The following HERC2 variants were observed in gnomAD, a reference collection of about 807,000 sequenced individuals.
The protein encoded by HERC2 is HECT and RLD domain containing E3 ubiquitin protein ligase 2, also known as E3 ubiquitin-protein ligase HERC2.
In HERC2, 102 loss-of-function variants were observed where a neutral mutation model predicts 537.7. The ratio of observed to expected loss-of-function variants is 0.19; its 90% CI spans 0.16 to 0.22. HERC2 has a LOEUF of 0.22. Ranked by LOEUF, HERC2 falls within the 10% of genes least tolerant of loss-of-function variation. The pLI, the probability that HERC2 is intolerant of heterozygous loss-of-function variation, is 1.00. For synonymous variants in HERC2, 2,224 were observed against 2,466.2 expected (o/e 0.90, Z 2.91); for missense variants, 4,236 against 6,198.2 (o/e 0.68, Z 10.63).
At chr15:28,293,958 G>A (rs1300031856) in intron 3 of HERC2, among the ~76,000 whole-genome samples, 1 of 152,218 alleles carries the variant, frequency 6.6e-6, no homozygotes, top group African/African-American at 2.4e-5. Flanking sequence ...TTCCATCACA[G>A]AAGGCTGTGA....
At chr15:28,204,344 A>G (rs1898179358) in intron 45 of HERC2, among the ~76,000 whole-genome samples, 1 of 152,208 alleles carries the variant, frequency 6.6e-6, no homozygotes, top group South Asian at 2.1e-4. Context: ...AGATTTGGCC[A>G]GGCACGGTGG....
At position 28,115,446 on chromosome 15, in the gene HERC2, T is replaced by C. The variant is rs773410190; in HGVS notation, c.13705A>G (p.Ile4569Val). 21 of 1,613,680 alleles carry C rather than the reference T, an allele frequency of 1.3e-5. No individual in the cohort carries two copies. The highest frequency in any genetic ancestry group is 1.5e-5 in the Non-Finnish European group (18 of 1,179,840). ...GGAGTTACCTCACTGAGGTCCGCGATGGTGAGGCTCATCCCAGCCAGCTGC... is the reference window on the plus strand; with the variant it reads ...GGAGTTACCTCACTGAGGTCCGCGACGGTGAGGCTCATCCCAGCCAGCTGC... ...WKQLAGMSLTIADLSEVDKDF... is the reference protein window; with the variant it reads ...WKQLAGMSLTVADLSEVDKDF... The change falls in exon 89 of 93, where the codon ATC (isoleucine) becomes GTC (valine). Residue 4569 changes from isoleucine to valine, a missense_variant. By Grantham distance (29) the Ile-to-Val change is conservative. Transcript: ENST00000261609.
intron 3 of HERC2, among the ~76,000 whole-genome samples, chr15:28,298,162 T>TG (rs2076522328): frequency 6.6e-6 from 1 of 151,230 alleles, no homozygotes; most frequent in African/African-American, 2.4e-5. Context: ...TTTTTGTTTT[T>TG]TTTTTTTTTG....
chr15:28,160,921 C>T (rs1339964460), intron 69 of HERC2, among the ~76,000 whole-genome samples: 1 of 152,204 alleles, frequency 6.6e-6, no homozygotes, highest in Non-Finnish European at 1.5e-5. Context: ...CATTCATACC[C>T]TTCCCTCTCA....
chr15:28,169,750 T>A, intron 65 of HERC2, 95 bp from the exon 66 acceptor site: 2 of 1,143,292 alleles, frequency 1.7e-6, no homozygotes, highest in Non-Finnish European at 2.5e-6. Context: ...CAAAACACAC[T>A]GCAATCTGCA....
Position 28,167,675 on chromosome 15 carries a change from A to T in HERC2, c.10554+12T>A, listed in dbSNP as rs957147027. 3 of 1,613,644 alleles carry T rather than the reference A, an allele frequency of 1.9e-6. No individual in the cohort carries two copies. The highest frequency in any genetic ancestry group is 2.5e-6 in the Non-Finnish European group (3 of 1,179,858). On this transcript the variant is annotated intron_variant, in intron 68 of 92. Transcript: ENST00000261609. The stretch of plus-strand genomic sequence containing the variant: ...TTTCACAATACAAAGTTAAAGAAGA[A>T]CGCCTCTTCACCTCTTTGGTTTTGG...
intron 44 of HERC2, among the ~76,000 whole-genome samples, chr15:28,209,798 T>C (rs995422584): frequency 2.2e-4 from 33 of 152,250 alleles, no homozygotes; most frequent in Non-Finnish European, 3.2e-4. Context: ...GAAGACTATA[T>C]AAGTACCATC....
At chr15:28,248,824 A>G (rs1903976067) in intron 20 of HERC2, 88 bp from the exon 21 acceptor site, 2 of 1,023,752 alleles carry the variant, frequency 2.0e-6, no homozygotes, top group African/African-American at 3.2e-5. Flanking sequence ...ACAAATTAAT[A>G]TCACAAACAC....
At chr15:28,191,391 A>G (rs1270910260) in intron 53 of HERC2, 147 bp from the exon 54 acceptor site, 4 of 621,818 alleles carry the variant, frequency 6.4e-6, no homozygotes, top group Non-Finnish European at 1.1e-5. Context: ...TCAACCTGGC[A>G]GCAACAAGAA....
At chr15:28,296,928 G>A (rs961185469) in intron 3 of HERC2, among the ~76,000 whole-genome samples, 1 of 152,156 alleles carries the variant, frequency 6.6e-6, no homozygotes, top group African/African-American at 2.4e-5. Context: ...TGTCAAGGCA[G>A]TGGAAGCCAG....
At chr15:28,219,345 T>A (rs1900271291) in intron 37 of HERC2, among the ~76,000 whole-genome samples, 2 of 152,220 alleles carry the variant, frequency 1.3e-5, no homozygotes, top group African/African-American at 4.8e-5. Flanking sequence ...CAGGCTCTGA[T>A]GCCTCTGTGG....
chr15:28,156,478 G>T (rs1236050927), intron 69 of HERC2, among the ~76,000 whole-genome samples: 1 of 152,140 alleles, frequency 6.6e-6, no homozygotes, highest in Non-Finnish European at 1.5e-5. Context: ...CACATCCCTT[G>T]TAAGTTGGAT....
At chr15:28,275,913 T>C (rs1326921944) in intron 5 of HERC2, among the ~76,000 whole-genome samples, 1 of 152,204 alleles carries the variant, frequency 6.6e-6, no homozygotes, top group Non-Finnish European at 1.5e-5. Context: ...CTATAAACTA[T>C]ATTCTCCAAA....
intron 4 of HERC2, among the ~76,000 whole-genome samples, chr15:28,289,347 A>T (rs149202743): frequency 0.01 from 1,572 of 150,240 alleles, 27 homozygotes; most frequent in African/African-American, 0.021. Flanking sequence ...CACTGGAGAT[A>T]AAGGGGGTCA....
chr15:28,218,905 C>T (rs1303334840), intron 37 of HERC2, among the ~76,000 whole-genome samples: 1 of 152,092 alleles, frequency 6.6e-6, no homozygotes, highest in Non-Finnish European at 1.5e-5. Flanking sequence ...TCATAGCTCA[C>T]TGCAGCTTTG....
At position 28,224,073 on chromosome 15, in the gene HERC2, G is replaced by C. The variant is rs1596273591; in HGVS notation, c.5465-1858C>G. ...CCTTACTAGATTATTATTTTCAGCT[G>C]TAATACACATATTAAAATATATATT... is the stretch of plus-strand genomic sequence containing the variant. On this transcript the variant is annotated intron_variant, in intron 35 of 92. Coordinates refer to ENST00000261609, the MANE Select transcript of HERC2 (RefSeq NM_004667.6). Among the ~76,000 whole-genome samples, 5 of 149,660 alleles carry C rather than the reference G, an allele frequency of 3.3e-5. No homozygotes were observed. In the South Asian group the frequency reaches 8.4e-4, roughly 25 times the overall value.
chr15:28,220,737 T>C (rs1900440248), intron 36 of HERC2, 93 bp from the exon 37 acceptor site: 4 of 1,007,234 alleles, frequency 4.0e-6, no homozygotes, highest in Non-Finnish European at 6.1e-6. Context: ...GGAGGGTGCA[T>C]GCCCTGCCCT....
At chr15:28,142,146 T>G (rs1891289226) in intron 76 of HERC2, 92 bp downstream of exon 76, 1 of 1,449,034 alleles carries the variant, frequency 6.9e-7, no homozygotes, top group South Asian at 1.4e-5. Context: ...CAAGCGAAAT[T>G]TTTCTGTGTC....
At chr15:28,179,881 G>C (rs1895660006) in intron 57 of HERC2, among the ~76,000 whole-genome samples, 1 of 152,220 alleles carries the variant, frequency 6.6e-6, no homozygotes, top group Admixed American at 6.5e-5. Flanking sequence ...AGCTGTGTTT[G>C]TGTTTTAAGC....
Sources: allele counts gnomAD v4.1 joint callset (sites outside exome capture counted in the v4.1 genomes callset), GRCh38; gene constraint gnomAD v4.1.1; transcripts MANE v1.5; gene names NCBI Gene and HGNC (gene_info 2026-07-23, HGNC 2026-07-21).